Variants in WWC1 observed in about 807,000 individuals in gnomAD.
The protein encoded by WWC1 is protein KIBRA.
Under a neutral mutation model 138.4 loss-of-function variants are expected in WWC1, and 55 were observed. That is an observed-to-expected ratio of 0.40 (90% CI 0.32 to 0.50). The LOEUF (loss-of-function observed/expected upper bound fraction) is 0.50, where lower values mean the gene tolerates loss of function less well. Ranked by LOEUF, WWC1 falls within the 20% of genes least tolerant of loss-of-function variation. The probability of loss-of-function intolerance (pLI) is 0.72; values close to 1 mark genes in which losing one functional copy is unlikely to be tolerated. For synonymous variants in WWC1, 524 were observed against 564.9 expected, an observed-to-expected ratio of 0.93 and a Z score of 1.03; for missense variants, 1,226 against 1,420.4, an observed-to-expected ratio of 0.86 and a Z score of 2.20.
At chr5:168,408,412 T>C in intron 6 of WWC1, 95 bp from the exon 7 acceptor site, 10 of 1,450,528 alleles carry the variant, frequency 6.9e-6, no homozygotes, top group Non-Finnish European at 9.4e-6. Context: ...GTTCCTAAAT[T>C]AAGGGAGGGT....
At chr5:168,414,282 C>T in intron 8 of WWC1, 66 bp from the exon 9 acceptor site, 6 of 1,564,514 alleles carry the variant, frequency 3.8e-6, no homozygotes, top group Non-Finnish European at 4.3e-6. Flanking sequence ...TCTGTTTCTT[C>T]ATGGCATCTC....
intron 1 of WWC1, among the ~76,000 whole-genome samples, chr5:168,306,838 C>G (rs1342335616): frequency 6.6e-6 from 1 of 152,136 alleles, no homozygotes; most frequent in African/African-American, 2.4e-5. Flanking sequence ...CTCAGGTGAT[C>G]CACCCATCTT....
intron 1 of WWC1, among the ~76,000 whole-genome samples, chr5:168,339,717 A>G (rs7714040): frequency 0.76 from 115,188 of 152,090 alleles, 43,761 homozygotes; most frequent in East Asian, 0.84. Flanking sequence ...AGTTACTTAC[A>G]TAGTCTAGGT....
intron 8 of WWC1, among the ~76,000 whole-genome samples, chr5:168,412,741 A>T (rs1048061091): frequency 6.6e-6 from 1 of 151,258 alleles, no homozygotes; most frequent in Non-Finnish European, 1.5e-5. Flanking sequence ...ATTAAAAAAC[A>T]ATACAAATTT....
In WWC1 at chr5:168,455,421, G is replaced by A; in HGVS notation, c.2724G>A (p.Arg908=). The A allele has an allele frequency of 6.2e-7, 1 of 1,612,088 alleles. No individual in the cohort carries two copies. Among genetic ancestry groups the A allele is most frequent in the African/African-American group, 1.3e-5 (1 of 74,970 alleles). The change falls in exon 19 of 23, where the codon CGG becomes CGA. Residue 908 remains arginine, a synonymous_variant. Coordinates refer to ENST00000265293, the MANE Select transcript of WWC1 (RefSeq NM_015238.3). ...PSPTVVRPKD[R]RVGTPSQGPF... is the part of the protein sequence containing the mutation. ...CCACAGTGGTGCGACCTAAGGACCG[G>A]AGAGTGGGCACCCCGTCCCAGGGGC...
At chr5:168,331,303 C>T (rs952002233) in intron 1 of WWC1, among the ~76,000 whole-genome samples, 1 of 152,208 alleles carries the variant, frequency 6.6e-6, no homozygotes, top group African/African-American at 2.4e-5. Context: ...TATACACTCC[C>T]ATCAACTAGA....
In WWC1 at chr5:168,467,980, C is replaced by T. The variant is rs777072344; in HGVS notation, c.3275+16C>T. 29 of 1,613,584 alleles carry T rather than the reference C, an allele frequency of 1.8e-5. No homozygotes were observed. Among genetic ancestry groups the T allele is most frequent in the Admixed American group, 3.3e-5 (2 of 59,986 alleles). On this transcript the variant is annotated intron_variant, in intron 22 of 22. Coordinates refer to ENST00000265293, the MANE Select transcript of WWC1 (RefSeq NM_015238.3). ...AGTCTTTCAGGTAAGCAGAGGGCCC[C>T]GGCAGCCCCCCATCCCTTTCTCAGC...
chr5:168,370,896 C>T (rs1378928471), intron 1 of WWC1, among the ~76,000 whole-genome samples: 2 of 152,196 alleles, frequency 1.3e-5, no homozygotes, highest in Admixed American at 6.5e-5. Context: ...ATAAATACTG[C>T]TCATTGGCCA....
At chr5:168,295,899 G>A (rs1769496070) in intron 1 of WWC1, among the ~76,000 whole-genome samples, 2 of 152,172 alleles carry the variant, frequency 1.3e-5, no homozygotes, top group Admixed American at 1.3e-4. Context: ...GGGTCCAGTG[G>A]GCAGCTTGGG....
At chr5:168,397,877 C>A in intron 4 of WWC1, 77 bp downstream of exon 4, 2 of 1,498,194 alleles carry the variant, frequency 1.3e-6, no homozygotes, top group South Asian at 1.1e-5. Context: ...ACCCACAAGA[C>A]CAGAACAGAT....
chr5:168,367,388 G>A (rs946405754), intron 1 of WWC1, among the ~76,000 whole-genome samples: 4 of 151,924 alleles, frequency 2.6e-5, no homozygotes, highest in African/African-American at 9.7e-5. Context: ...CTGGAGTGCA[G>A]TGGCGGGATC....
chr5:168,411,092 A>G (rs1056139051), intron 8 of WWC1, among the ~76,000 whole-genome samples: 1 of 151,846 alleles, frequency 6.6e-6, no homozygotes, highest in Non-Finnish European at 1.5e-5. Flanking sequence ...CGCCCGGCTA[A>G]TTTTTTTGTA....
chr5:168,354,711 C>T (rs1775259022), intron 1 of WWC1, among the ~76,000 whole-genome samples: 1 of 152,124 alleles, frequency 6.6e-6, no homozygotes, highest in South Asian at 2.1e-4. Context: ...TGCCTTAGTT[C>T]CATCATTTCA....
chr5:168,336,180 T>G (rs1436339271), intron 1 of WWC1, among the ~76,000 whole-genome samples: 2 of 152,192 alleles, frequency 1.3e-5, no homozygotes, highest in South Asian at 4.1e-4. Flanking sequence ...GAAACTCAGC[T>G]GTAGGTGATT....
At chr5:168,454,297 G>A (rs566887262) in intron 18 of WWC1, among the ~76,000 whole-genome samples, 197 bp downstream of exon 18, 9 of 152,080 alleles carry the variant, frequency 5.9e-5, no homozygotes, top group Admixed American at 3.3e-4. Flanking sequence ...CTTTTCTTCT[G>A]CCCTCTGCAT....
intron 1 of WWC1, among the ~76,000 whole-genome samples, chr5:168,341,201 G>T (rs1050135981): frequency 2.0e-5 from 3 of 152,156 alleles, no homozygotes; most frequent in African/African-American, 7.2e-5. Context: ...TAGACCAATG[G>T]GCTATGGGAC....
rs190153607 is a variant in WWC1, at chr5:168,395,820, C to T, written c.434-1904C>T. 5.1e-3 allele frequency among the ~76,000 whole-genome samples: 780 copies of T among 152,346 alleles called. 7 individuals are homozygous for T. Among genetic ancestry groups the T allele is most frequent in the African/African-American group, 0.018 (751 of 41,570 alleles). ...TTGTAAATTCAGCAGAAATGCAACA[C>T]TTCTTGTGGTGCCAAATATCTTTTA... On this transcript the variant is annotated intron_variant, in intron 3 of 22. Coordinates refer to ENST00000265293, the MANE Select transcript of WWC1 (RefSeq NM_015238.3).
intron 21 of WWC1, among the ~76,000 whole-genome samples, chr5:168,467,237 G>A (rs1294344304): frequency 2.0e-5 from 3 of 152,212 alleles, no homozygotes; most frequent in Non-Finnish European, 4.4e-5. Context: ...CAGCCTGGGC[G>A]ACAGAGCGAG....
chr5:168,413,382 A>G (rs952251643), intron 8 of WWC1, among the ~76,000 whole-genome samples: 1 of 152,210 alleles, frequency 6.6e-6, no homozygotes, highest in African/African-American at 2.4e-5. Context: ...GCCCAATGAT[A>G]ATAATACTGA....
Sources: gnomAD v4.1 joint callset for allele counts (sites outside exome capture counted in the v4.1 genomes callset) on GRCh38, gnomAD v4.1.1 for gene constraint, MANE v1.5 for transcripts, NCBI Gene and HGNC (gene_info 2026-07-23, HGNC 2026-07-21) for gene names.